The following SLC7A14 variants were observed in gnomAD, a reference collection of about 807,000 sequenced individuals.
The protein encoded by SLC7A14 is solute carrier family 7 member 14.
SLC7A14 carries 37 observed loss-of-function variants against 60.2 expected under a neutral mutation model. That is an observed-to-expected ratio of 0.61 (90% confidence interval 0.47 to 0.81). SLC7A14 has a LOEUF of 0.81. Among genes scored for constraint, SLC7A14 ranks in the 30% least tolerant of loss-of-function variants. The pLI, the probability that SLC7A14 is intolerant of heterozygous loss-of-function variation, is 0.00. For missense variants in SLC7A14, 886 were observed against 982.7 expected (o/e 0.90, Z 1.32); for synonymous variants, 399 against 395.8 (o/e 1.01, Z -0.10).
At chr3:170,488,639 T>A (rs777000579) in intron 4 of SLC7A14, among the ~76,000 whole-genome samples, 6 of 152,186 alleles carry the variant, frequency 3.9e-5, no homozygotes, top group Non-Finnish European at 7.3e-5. Flanking sequence ...AAACTGGATA[T>A]CCATAGGCAG....
chr3:170,577,061 A>G (rs1373525365), intron 1 of SLC7A14, among the ~76,000 whole-genome samples: 5 of 152,326 alleles, frequency 3.3e-5, no homozygotes, highest in Non-Finnish European at 4.4e-5. Context: ...CTGGCTGGGA[A>G]AGACTGAAAG....
chr3:170,563,713 G>A (rs929034625), intron 1 of SLC7A14, among the ~76,000 whole-genome samples: 2 of 152,044 alleles, frequency 1.3e-5, no homozygotes, highest in African/African-American at 2.4e-5. Context: ...AAGCCACCGC[G>A]CCCGGCCCAA....
At chr3:170,500,845 T>C (rs73882023) in intron 3 of SLC7A14, among the ~76,000 whole-genome samples, 2,959 of 152,328 alleles carry the variant, frequency 0.019, 101 homozygotes, top group African/African-American at 0.066. Context: ...CTTGCCCCAC[T>C]GTAGAATATT....
At chr3:170,583,011 T>C (rs186850174) in intron 1 of SLC7A14, among the ~76,000 whole-genome samples, 17 of 152,352 alleles carry the variant, frequency 1.1e-4, no homozygotes, top group Admixed American at 9.1e-4. Flanking sequence ...TAACTTCACA[T>C]AGTGCCTCAC....
chr3:170,497,106 A>AG, intron 4 of SLC7A14, among the ~76,000 whole-genome samples: 1 of 146,986 alleles, frequency 6.8e-6, no homozygotes, highest in African/African-American at 2.5e-5. Context: ...AAAAAAAAAA[A>AG]AAAAGAAAGA....
intron 1 of SLC7A14, among the ~76,000 whole-genome samples, chr3:170,575,799 T>C (rs574335527): frequency 1.4e-4 from 21 of 152,348 alleles, no homozygotes; most frequent in African/African-American, 4.8e-4. Flanking sequence ...TAGGGTGATT[T>C]CTGAGATTTC....
intron 1 of SLC7A14, among the ~76,000 whole-genome samples, chr3:170,558,643 G>A (rs1252493227): frequency 6.6e-6 from 1 of 152,188 alleles, no homozygotes; most frequent in African/African-American, 2.4e-5. Context: ...CATGGTAGAT[G>A]TGAGTAGCTC....
In SLC7A14 at chr3:170,467,254, T is replaced by A. The variant is rs1015045690; in HGVS notation, c.2117A>T (p.Glu706Val). 1.2e-6 allele frequency: 2 copies of A among 1,613,912 alleles called. No homozygotes were observed. The highest frequency in any genetic ancestry group is 1.1e-5 in the South Asian group (1 of 91,042). ...GCCCTCTGTGGCGTAGGAGAAACCC[T>A]CCTCCACTGAGAAGGGGTCATCCAC... ...YDVDDPFSVEEGFSYATEGES... is the reference protein window; with the variant it reads ...YDVDDPFSVEVGFSYATEGES... Residue 706 changes from glutamate to valine, a missense_variant, in exon 8 of 8, where the codon GAG becomes GTG. Physicochemically the swap from Glu to Val is moderately radical, Grantham distance 121. Transcript: ENST00000231706.
chr3:170,539,186 C>T (rs903293657), intron 1 of SLC7A14, among the ~76,000 whole-genome samples: 2 of 152,240 alleles, frequency 1.3e-5, no homozygotes, highest in Non-Finnish European at 2.9e-5. Context: ...GGTTCAGCCA[C>T]ACTGACTTCC....
chr3:170,505,250 T>C (rs1341970298), intron 2 of SLC7A14, among the ~76,000 whole-genome samples: 1 of 152,220 alleles, frequency 6.6e-6, no homozygotes, highest in Non-Finnish European at 1.5e-5. Context: ...ATGTTATTCA[T>C]GGACTTTGAG....
At chr3:170,496,876 C>T (rs1324413804) in intron 4 of SLC7A14, among the ~76,000 whole-genome samples, 1 of 152,050 alleles carries the variant, frequency 6.6e-6, no homozygotes, top group Non-Finnish European at 1.5e-5. Context: ...TGACGTCCTG[C>T]CCAAGTGAAG....
Position 170,483,315 on chromosome 3 carries a change from T to A in SLC7A14, c.1114A>T (p.Arg372Trp). The A allele has an allele frequency of 6.2e-7, 1 of 1,613,948 alleles. No homozygotes were observed. Reference protein sequence around the residue: ...YAMAGDGLLFRFLAHVSSYTE... With the variant: ...YAMAGDGLLFWFLAHVSSYTE... ...AATTTCATGGAGCATAGCCCTTACC[T>A]GAAAAGGAGCCCGTCACCAGCCATG... The change falls in exon 6 of 8, where the codon AGG becomes TGG. Residue 372 changes from arginine to tryptophan, a missense_variant and splice_region_variant. Physicochemically the swap from Arg to Trp is moderately radical, Grantham distance 101 (BLOSUM62 -3). Coordinates refer to ENST00000231706, the MANE Select transcript of SLC7A14 (RefSeq NM_020949.3).
chr3:170,557,408 C>T (rs1231591179), intron 1 of SLC7A14, among the ~76,000 whole-genome samples: 7 of 152,090 alleles, frequency 4.6e-5, no homozygotes, highest in Admixed American at 6.6e-5. Context: ...CAATTCCATT[C>T]GTCAAACTCT....
At chr3:170,488,224 T>TAAG (rs1712098137) in intron 4 of SLC7A14, among the ~76,000 whole-genome samples, 1 of 152,188 alleles carries the variant, frequency 6.6e-6, no homozygotes, top group Admixed American at 6.5e-5. Context: ...CAAGAAAATT[T>TAAG]AAAAACTCCT....
chr3:170,500,994 A>G, intron 3 of SLC7A14, 115 bp downstream of exon 3: 1 of 869,502 alleles, frequency 1.2e-6, no homozygotes, highest in Non-Finnish European at 1.9e-6. Flanking sequence ...AAAGAAAAAG[A>G]GAGATATATT....
At position 170,535,760 on chromosome 3, in the gene SLC7A14, G is replaced by C. The variant is rs754365599; in HGVS notation, c.-152-8672C>G. ...CTCCACATAGCCCTAACTCTCTCTG[G>C]TTCTGATAATTCTTTCTTTATCCCC... On this transcript the variant is annotated intron_variant, in intron 1 of 7. Coordinates refer to ENST00000231706, the MANE Select transcript of SLC7A14 (RefSeq NM_020949.3). This position sits in a 1 kb window ranked among gnomAD's most constrained non-coding sequence, Gnocchi z 4.3. 3.3e-5 allele frequency among the ~76,000 whole-genome samples: 5 copies of C among 152,186 alleles called. No individual in the cohort carries two copies. Among genetic ancestry groups the C allele is most frequent in the Non-Finnish European group, 7.3e-5 (5 of 68,042 alleles).
chr3:170,469,474 G>T (rs1171538762), intron 7 of SLC7A14, among the ~76,000 whole-genome samples: 7 of 151,830 alleles, frequency 4.6e-5, no homozygotes, highest in African/African-American at 1.7e-4. Context: ...TTAAAAGCAG[G>T]GTATTTACTC....
At position 170,527,094 on chromosome 3, in the gene SLC7A14, G is replaced by GA; in HGVS notation, c.-152-7_-152-6insT. The GA allele has an allele frequency of 2.7e-6, 2 of 734,408 alleles. No individual in the cohort carries two copies. The highest frequency in any genetic ancestry group is 4.3e-6 in the Non-Finnish European group (2 of 460,308). 45.5% of individuals were successfully genotyped at this position (734,408 alleles called of 1,614,324 possible). ...CTTCTCCTGGGCATGAATGTCTGCAGGAAAAACACAAGAAAGCAGAAGATG... is the reference window on the plus strand; with the variant it reads ...CTTCTCCTGGGCATGAATGTCTGCAGAGAAAAACACAAGAAAGCAGAAGATG... On this transcript the variant is annotated splice_region_variant and splice_polypyrimidine_tract_variant and intron_variant, in intron 1 of 7. Transcript: ENST00000231706.
At position 170,471,648 on chromosome 3, in the gene SLC7A14, C is replaced by T. The variant is rs558555685; in HGVS notation, c.1994-4271G>A. ...ATCATTGCTTGAAGTAGTTTTTGGG[C>T]ACCGCTAATCAAGATGGTCACTGGG... is the stretch of plus-strand genomic sequence containing the variant. On this transcript the variant is annotated intron_variant, in intron 7 of 7. Transcript: ENST00000231706. Among the ~76,000 whole-genome samples the T allele has an allele frequency of 2.6e-5, 4 of 152,220 alleles. No individual in the cohort carries two copies. The South Asian group carries it at 8.3e-4, about 32-fold the overall frequency.
Sources: gnomAD v4.1 joint callset for allele counts (sites outside exome capture counted in the v4.1 genomes callset) on GRCh38, gnomAD v4.1.1 for gene constraint, Gnocchi (gnomAD v3.1) non-coding constraint, MANE v1.5 for transcripts, NCBI Gene and HGNC (gene_info 2026-07-23, HGNC 2026-07-21) for gene names.